NUDCD1: variants seen among roughly 807,000 people sequenced by gnomAD.
NUDCD1 encodes the protein NudC domain containing 1.
In NUDCD1, 60 loss-of-function variants were observed where a neutral mutation model predicts 67.8. The observed-to-expected ratio is 0.88, with a 90% CI of 0.72 to 1.10. The LOEUF is 1.10. NUDCD1 is among the 50% of genes least tolerant of loss of function. The pLI, the probability that NUDCD1 is intolerant of heterozygous loss-of-function variation, is 0.00. For missense variants in NUDCD1, 643 were observed against 695.0 expected, an observed-to-expected ratio of 0.93 and a Z score of 0.84; for synonymous variants, 244 against 230.8, an observed-to-expected ratio of 1.06 and a Z score of -0.52.
At chr8:109,272,422 T>C (rs1229848195) in intron 7 of NUDCD1, among the ~76,000 whole-genome samples, 1 of 151,706 alleles carries the variant, frequency 6.6e-6, no homozygotes, top group African/African-American at 2.4e-5. Context: ...CATTGAAATA[T>C]AGTTAACAAT....
Position 109,333,947 on chromosome 8 carries a change from C to A in NUDCD1, c.64G>T (p.Gly22Cys). 2 of 1,614,174 alleles carry A rather than the reference C, an allele frequency of 1.2e-6. No homozygotes were observed. The highest frequency in any genetic ancestry group is 2.2e-5 in the East Asian group (1 of 44,872). Residue 22 changes from glycine to cysteine, a missense_variant, in exon 1 of 10, where the codon GGT (glycine) becomes TGT (cysteine). Gly to Cys is a radical substitution (Grantham distance 159, BLOSUM62 -3). Transcript: ENST00000239690. ...KRPLLDPRFE[G>C]YKLSLEPLPC... ...AGCGGCTCAAGAGAGAGCTTGTAACCCTCGAAGCGGGGATCCAACAGAGGT... is the reference window on the plus strand; with the variant it reads ...AGCGGCTCAAGAGAGAGCTTGTAACACTCGAAGCGGGGATCCAACAGAGGT...
At chr8:109,268,708 G>C (rs1025825113) in intron 8 of NUDCD1, among the ~76,000 whole-genome samples, 4 of 152,082 alleles carry the variant, frequency 2.6e-5, no homozygotes, top group African/African-American at 7.2e-5. Flanking sequence ...ACGTTAAGAA[G>C]AACAACCAGA....
chr8:109,329,481 T>C (rs1382950186), intron 1 of NUDCD1, among the ~76,000 whole-genome samples: 3 of 152,232 alleles, frequency 2.0e-5, no homozygotes, highest in Admixed American at 6.5e-5. Context: ...AAAAAAGGCA[T>C]GTTATGTATA....
chr8:109,245,313 G>A lies in NUDCD1; in HGVS notation c.1459+9C>T. On this transcript the variant is annotated intron_variant, in intron 9 of 9. Coordinates refer to ENST00000239690, the MANE Select transcript of NUDCD1 (RefSeq NM_032869.4). ...TTTCATGGAAAATGTCAAAGAGTTT[G>A]CTTTATACCTAAAGCATTGAAAGTT... The A allele has an allele frequency of 6.2e-7, 1 of 1,605,958 alleles. No individual in the cohort carries two copies. The highest frequency in any genetic ancestry group is 8.5e-7 in the Non-Finnish European group (1 of 1,176,268).
intron 6 of NUDCD1, among the ~76,000 whole-genome samples, chr8:109,279,374 T>C (rs914280331): frequency 1.3e-5 from 2 of 152,220 alleles, no homozygotes; most frequent in African/African-American, 2.4e-5. Context: ...CCTTTTGATG[T>C]GCTTACTAGC....
Position 109,243,126 on chromosome 8 carries a change from C to A in NUDCD1, c.1635G>T (p.Gln545His), listed in dbSNP as rs921208955. ...CATTGGTTTCTAGGCTTGCTACTTGCTGCTTAGCAACCTGTCCTACTTGCC... is the reference window on the plus strand; with the variant it reads ...CATTGGTTTCTAGGCTTGCTACTTGATGCTTAGCAACCTGTCCTACTTGCC... ...EGRQVGQVAK[Q>H]QVASLETNDP... The change falls in exon 10 of 10, where the codon CAG becomes CAT. Residue 545 changes from glutamine (Q) to histidine (H), a missense_variant. By Grantham distance (24) the Gln-to-His change is conservative. Transcript: ENST00000239690. The A allele has an allele frequency of 6.2e-7, 1 of 1,613,856 alleles. No homozygotes were observed. Among genetic ancestry groups the A allele is most frequent in the Admixed American group, 1.7e-5 (1 of 60,010 alleles).
intron 6 of NUDCD1, among the ~76,000 whole-genome samples, chr8:109,280,734 C>A (rs2129983591): frequency 6.6e-6 from 1 of 152,218 alleles, no homozygotes; most frequent in East Asian, 1.9e-4. Flanking sequence ...GTATCCAGAG[C>A]TGGTAAAACA....
chr8:109,244,618 C>T (rs922183604), intron 9 of NUDCD1, among the ~76,000 whole-genome samples: 3 of 152,072 alleles, frequency 2.0e-5, no homozygotes, highest in Admixed American at 6.5e-5. Flanking sequence ...CATCAAAATA[C>T]GTAACTTCAC....
At chr8:109,281,453 CCCTCCCTT>C in intron 5 of NUDCD1, among the ~76,000 whole-genome samples, 1 of 152,176 alleles carries the variant, frequency 6.6e-6, no homozygotes, top group East Asian at 1.9e-4. Flanking sequence ...TTCCCTCTCT[CCCTCCCTT>C]CCTCCCTCTT....
At chr8:109,295,517 A>G (rs1363903815) in intron 3 of NUDCD1, among the ~76,000 whole-genome samples, 1 of 152,198 alleles carries the variant, frequency 6.6e-6, no homozygotes. Flanking sequence ...ATTTGGTAGT[A>G]TAACATTTAG....
rs1262569177 is a variant in NUDCD1, at chr8:109,268,152, C to T, written c.1299+2853G>A. 2.6e-5 allele frequency among the ~76,000 whole-genome samples: 4 copies of T among 152,118 alleles called. No individual in the cohort carries two copies. The East Asian group carries it at 7.7e-4, about 29-fold the overall frequency. ...ACTTCTTCCCCACTCTTGATGTTTC[C>T]ATCTACGACACTGAGAAGATCCACT... On this transcript the variant is annotated intron_variant, in intron 8 of 9. Transcript: ENST00000239690.
At chr8:109,254,185 C>T (rs917546260) in intron 8 of NUDCD1, among the ~76,000 whole-genome samples, 1 of 152,196 alleles carries the variant, frequency 6.6e-6, no homozygotes, top group East Asian at 1.9e-4. Flanking sequence ...GAAACAAACA[C>T]AAAAGACATT....
At chr8:109,308,229 T>A (rs1049915501) in intron 2 of NUDCD1, among the ~76,000 whole-genome samples, 2 of 152,228 alleles carry the variant, frequency 1.3e-5, no homozygotes, top group African/African-American at 4.8e-5. Context: ...TGAATGATCA[T>A]TGGGTCAAAA....
At position 109,309,439 on chromosome 8, in the gene NUDCD1, T is replaced by C. The variant is rs554934010; in HGVS notation, c.273+12870A>G. ...TCTATGATTAAAACTCTCAGCAAAA[T>C]TGGCATACAACGGACATACCTCAAT... On this transcript the variant is annotated intron_variant, in intron 2 of 9. Transcript: ENST00000239690. Among the ~76,000 whole-genome samples the C allele has an allele frequency of 2.6e-4, 40 of 152,182 alleles. 1 individual carries two copies. The highest frequency in any genetic ancestry group is 1.4e-3 in the East Asian group (7 of 5,174).
rs529651362 is a variant in NUDCD1 at position 109,268,781 on chromosome 8, C to T, written c.1299+2224G>A. Among the ~76,000 whole-genome samples, 206 of 152,248 alleles carry T rather than the reference C, an allele frequency of 1.4e-3. 4 individuals carry two copies. The highest frequency in any genetic ancestry group is 1.1e-3 in the Non-Finnish European group (73 of 68,004). On this transcript the variant is annotated intron_variant, in intron 8 of 9. Transcript: ENST00000239690. The stretch of plus-strand genomic sequence containing the variant: ...AGATTCAACAGCCTTCTATCAGTCA[C>T]GCCTGCAACTGGTTCTCTAAAATTT...
At chr8:109,317,037 G>T (rs964116323) in intron 2 of NUDCD1, among the ~76,000 whole-genome samples, 5 of 152,086 alleles carry the variant, frequency 3.3e-5, no homozygotes, top group African/African-American at 1.2e-4. Context: ...AAAGAGAAAA[G>T]ACAACAATAA....
intron 2 of NUDCD1, among the ~76,000 whole-genome samples, chr8:109,299,991 A>G (rs796850801): frequency 6.6e-6 from 1 of 152,176 alleles, no homozygotes; most frequent in Non-Finnish European, 1.5e-5. Context: ...GGCTAGATCC[A>G]AAACAGAGAT....
At chr8:109,267,685 A>T (rs544741411) in intron 8 of NUDCD1, among the ~76,000 whole-genome samples, 1 of 152,360 alleles carries the variant, frequency 6.6e-6, no homozygotes, top group African/African-American at 2.4e-5. Flanking sequence ...CCAGCAATTA[A>T]ACTCTGAAAT....
Position 109,241,925 on chromosome 8 carries a change from A to T in NUDCD1, c.*1084T>A. 1 of 395,246 alleles carries T rather than the reference A, an allele frequency of 2.5e-6. No individual in the cohort carries two copies. The highest frequency in any genetic ancestry group is 4.5e-6 in the Non-Finnish European group (1 of 224,112). 24.5% of individuals were successfully genotyped at this position (395,246 alleles called of 1,614,324 possible). A position where few individuals can be genotyped will look rare whatever the true frequency, so the allele number is the denominator to read the frequency against. On this transcript the variant is annotated 3_prime_UTR_variant, in exon 10 of 10. Transcript: ENST00000239690. ...TAAAAAGTAATAAAAATTTCCAGGT[A>T]CATACATACTAAAACAAACCTGGAA...
Sources: allele counts gnomAD v4.1 joint callset (sites outside exome capture counted in the v4.1 genomes callset), GRCh38; gene constraint gnomAD v4.1.1; transcripts MANE v1.5; gene names NCBI Gene and HGNC (gene_info 2026-07-23, HGNC 2026-07-21).